LBP: variants seen among roughly 807,000 people sequenced by gnomAD.
LBP encodes the protein lipopolysaccharide binding protein, also known as lipopolysaccharide-binding protein.
In LBP, 53 loss-of-function variants were observed where a neutral mutation model predicts 56.6. The ratio of observed to expected loss-of-function variants is 0.94; its 90% CI spans 0.75 to 1.18. The LOEUF (loss-of-function observed/expected upper bound fraction) is 1.18, where lower values mean the gene tolerates loss of function less well. Among genes scored for constraint, LBP ranks in the 50% most tolerant of loss-of-function variants. The pLI is 0.00. For missense variants in LBP, 601 were observed against 598.3 expected, an observed-to-expected ratio of 1.00 and a Z score of -0.05; for synonymous variants, 227 against 247.5, an observed-to-expected ratio of 0.92 and a Z score of 0.78.
chr20:38,353,941 A>G lies in LBP; in HGVS notation c.369-343A>G, dbSNP rs6025106. ...AGGGAAATAAGCCCATATATTAAGG[A>G]AATTGGCTCTTTAGATGTCTCATAC... is the stretch of plus-strand genomic sequence containing the variant. On this transcript the variant is annotated intron_variant, in intron 3 of 14. Transcript: ENST00000217407. Among the ~76,000 whole-genome samples the G allele has an allele frequency of 4.5e-3, 691 of 152,066 alleles. 7 individuals are homozygous for G. The highest frequency in any genetic ancestry group is 0.016 in the African/African-American group (662 of 41,468).
intron 1 of LBP, among the ~76,000 whole-genome samples, chr20:38,348,787 A>AGTTTTGTTTTGTTTT (rs796439469): frequency 3.6e-4 from 49 of 135,510 alleles, no homozygotes; most frequent in East Asian, 1.5e-3. Flanking sequence ...AGTTTAGTTT[A>AGTTTTGTTTTGTTTT]GTTTTGTTTT....
At chr20:38,375,851 CA>C (rs973934530) in intron 14 of LBP, among the ~76,000 whole-genome samples, 2 of 152,016 alleles carry the variant, frequency 1.3e-5, no homozygotes, top group African/African-American at 4.8e-5. Flanking sequence ...GAATGAAGGG[CA>C]GGGGGGATGA....
At chr20:38,359,548 C>T (rs1025089322) in intron 5 of LBP, among the ~76,000 whole-genome samples, 2 of 152,054 alleles carry the variant, frequency 1.3e-5, no homozygotes, top group African/African-American at 4.8e-5. Flanking sequence ...TGCCATTGCA[C>T]TCTAGCCTAG....
chr20:38,358,325 C>T (rs1313914202), intron 5 of LBP, among the ~76,000 whole-genome samples: 1 of 152,140 alleles, frequency 6.6e-6, no homozygotes, highest in Non-Finnish European at 1.5e-5. Context: ...CCTGCTGCAC[C>T]CCTAACCACT....
chr20:38,365,738 A>ATATATATATATATATATT (rs1555845112), intron 8 of LBP, among the ~76,000 whole-genome samples: 1 of 144,396 alleles, frequency 6.9e-6, no homozygotes, highest in African/African-American at 2.5e-5. Flanking sequence ...ATATATATAT[A>ATATATATATATATATATT]TATATATTTA....
rs375954475 is a variant in LBP, at chr20:38,354,422, C to T, written c.507C>T (p.Asp169=). 3 of 1,612,228 alleles carry T rather than the reference C, an allele frequency of 1.9e-6. No homozygotes were observed. The highest frequency in any genetic ancestry group is 4.5e-5 in the East Asian group (2 of 44,844). Residue 169 remains aspartate, a synonymous_variant, in exon 4 of 15, where the codon GAC becomes GAT. Transcript: ENST00000217407. ...CSSDIADVEV[D]MSGDLGWLLN... ...GTGACATCGCTGACGTGGAGGTGGA[C>T]ATGTCGGGAGACTTGGGGTAGGTCT...
At chr20:38,376,560 C>T (rs2083959449) in intron 14 of LBP, 65 bp from the exon 15 acceptor site, 19 of 1,449,404 alleles carry the variant, frequency 1.3e-5, no homozygotes, top group Middle Eastern at 3.5e-4. Flanking sequence ...CCCTTTCAAT[C>T]GCAGATGCAT....
At chr20:38,349,500 G>A (rs974124770) in intron 1 of LBP, 48 bp from the exon 2 acceptor site, 1 of 1,410,442 alleles carries the variant, frequency 7.1e-7, no homozygotes, top group Non-Finnish European at 9.8e-7. Flanking sequence ...TAGAGCAGGG[G>A]AGGAGGCAGG....
At chr20:38,374,300 G>A (rs1177687011) in intron 14 of LBP, among the ~76,000 whole-genome samples, 4 of 152,180 alleles carry the variant, frequency 2.6e-5, no homozygotes, top group East Asian at 1.9e-4. Flanking sequence ...AGACCAGCTC[G>A]TTTTGAAAAT....
At chr20:38,373,826 TA>T in intron 13 of LBP, 110 bp from the exon 14 acceptor site, 2 of 918,938 alleles carry the variant, frequency 2.2e-6, no homozygotes, top group Non-Finnish European at 1.7e-6. Flanking sequence ...TGGAAATCAC[TA>T]AATGGGAATA....
At chr20:38,365,216 CAG>C (rs2076876284) in intron 8 of LBP, among the ~76,000 whole-genome samples, 1 of 119,012 alleles carries the variant, frequency 8.4e-6, no homozygotes, top group Non-Finnish European at 1.6e-5. Context: ...GTCTGAGCAA[CAG>C]AGTGAGACCC....
intron 5 of LBP, among the ~76,000 whole-genome samples, chr20:38,360,246 C>T (rs2076854912): frequency 1.5e-5 from 2 of 135,750 alleles, no homozygotes; most frequent in South Asian, 2.4e-4. Flanking sequence ...GCCAACAGGG[C>T]GAGACTCCAT....
At chr20:38,362,025 G>A (rs994343006) in intron 6 of LBP, among the ~76,000 whole-genome samples, 3 of 151,370 alleles carry the variant, frequency 2.0e-5, no homozygotes, top group African/African-American at 2.4e-5. Flanking sequence ...GGCTGGGCGC[G>A]GTGGCTCACG....
chr20:38,346,965 G>A lies in LBP; in HGVS notation c.124+325G>A, dbSNP rs1162036294. Among the ~76,000 whole-genome samples, 5 of 152,140 alleles carry A rather than the reference G, an allele frequency of 3.3e-5. No individual in the cohort carries two copies. In the South Asian group the frequency reaches 1.0e-3, roughly 32 times the overall value. On this transcript the variant is annotated intron_variant, in intron 1 of 14. Coordinates refer to ENST00000217407, the MANE Select transcript of LBP (RefSeq NM_004139.5). The stretch of plus-strand genomic sequence containing the variant: ...AGGGAGGGCAGCCAGGAGAGAGTGT[G>A]CAATTAAACCAGCCACCACCTCTGA...
chr20:38,373,006 T>C, intron 12 of LBP, 66 bp from the exon 13 acceptor site: 1 of 1,381,534 alleles, frequency 7.2e-7, no homozygotes, highest in Non-Finnish European at 1.0e-6. Flanking sequence ...TTTGCTATGT[T>C]GGCACACACA....
intron 3 of LBP, among the ~76,000 whole-genome samples, chr20:38,351,691 A>G (rs545031035): frequency 6.6e-6 from 1 of 152,166 alleles, no homozygotes; most frequent in Non-Finnish European, 1.5e-5. Flanking sequence ...CCCTTTGGCA[A>G]TGTCCTCACG....
chr20:38,354,661 A>C (rs1045570751), intron 4 of LBP, among the ~76,000 whole-genome samples: 4 of 151,638 alleles, frequency 2.6e-5, no homozygotes, highest in African/African-American at 9.7e-5. Flanking sequence ...TGACAAGGGG[A>C]CCCTTGTCAG....
Position 38,376,864 on chromosome 20 carries a change from T to G in LBP, c.*195T>G. On this transcript the variant is annotated 3_prime_UTR_variant, in exon 15 of 15. Coordinates refer to ENST00000217407, the MANE Select transcript of LBP (RefSeq NM_004139.5). The stretch of plus-strand genomic sequence containing the variant: ...GCATGCCCTCTCTGAGTCTGGACTT[T>G]GCTTCCCCTCCAGGAGGGACCACCC... The G allele has an allele frequency of 1.4e-6, 1 of 704,642 alleles. No homozygotes were observed. The highest frequency in any genetic ancestry group is 2.6e-6 in the Non-Finnish European group (1 of 386,146). 43.6% of individuals were successfully genotyped at this position (704,642 alleles called of 1,614,324 possible). A position where few individuals can be genotyped will look rare whatever the true frequency, so the allele number is the denominator to read the frequency against.
At chr20:38,375,195 GT>G (rs11480549) in intron 14 of LBP, among the ~76,000 whole-genome samples, 83,527 of 149,138 alleles carry the variant, frequency 0.56, 23,751 homozygotes, top group African/African-American at 0.66. Context: ...TGTTTTAAGG[GT>G]TTTTTTTTTT....
Sources: allele counts gnomAD v4.1 joint callset (sites outside exome capture counted in the v4.1 genomes callset), GRCh38; gene constraint gnomAD v4.1.1; transcripts MANE v1.5; gene names NCBI Gene and HGNC (gene_info 2026-07-23, HGNC 2026-07-21).